DSG3: variants seen among roughly 807,000 people sequenced by gnomAD.
DSG3 encodes desmoglein-3.
In DSG3, 63 loss-of-function variants were observed where a neutral mutation model predicts 85.9. The observed-to-expected ratio is 0.73, with a 90% CI of 0.60 to 0.90. The LOEUF (loss-of-function observed/expected upper bound fraction) is 0.90, where lower values mean the gene tolerates loss of function less well. DSG3 is among the 40% of genes least tolerant of loss of function. DSG3 has a pLI of 0.00. For missense variants in DSG3, 1,220 were observed against 1,219.9 expected (o/e 1.00, Z 0.00); for synonymous variants, 447 against 441.9 (o/e 1.01, Z -0.14).
At position 31,464,463 on chromosome 18, in the gene DSG3, A is replaced by C. The variant is rs529321142; in HGVS notation, c.1271+81A>C. ...ATCACAACATAACACATAAACTATT[A>C]TGTGCCAAGAATAGAGATATGACAT... On this transcript the variant is annotated intron_variant, in intron 9 of 15. Coordinates refer to ENST00000257189, the MANE Select transcript of DSG3 (RefSeq NM_001944.3). The C allele has an allele frequency of 3.3e-5, 46 of 1,404,278 alleles. No individual in the cohort carries two copies. In the African/African-American group the frequency reaches 4.6e-4, roughly 14 times the overall value. The allele number at this position is 1,404,278 out of a possible 1,614,324, so 87.0% of individuals were successfully genotyped here.
intron 1 of DSG3, among the ~76,000 whole-genome samples, chr18:31,455,328 T>G (rs1025313288): frequency 7.9e-5 from 12 of 152,170 alleles, no homozygotes; most frequent in African/African-American, 2.4e-4. Context: ...TTTCCACCAT[T>G]ATTTTCCGAC....
At position 31,459,882 on chromosome 18, in the gene DSG3, T is replaced by C. The variant is rs549349717; in HGVS notation, c.555T>C (p.Asp185=). The change falls in exon 6 of 16, where the codon GAT becomes GAC. Residue 185 remains aspartate (D), a synonymous_variant. Coordinates refer to ENST00000257189, the MANE Select transcript of DSG3 (RefSeq NM_001944.3). ...TGATACTAAATGCCACAGATGCAGATGAACCAAACCACTTGAATTCTAAAA... is the reference window on the plus strand; with the variant it reads ...TGATACTAAATGCCACAGATGCAGACGAACCAAACCACTTGAATTCTAAAA... The part of the protein sequence containing the change: ...LVMILNATDA[D]EPNHLNSKIA... The C allele has an allele frequency of 1.2e-6, 2 of 1,614,150 alleles. No individual in the cohort carries two copies. Among genetic ancestry groups the C allele is most frequent in the African/African-American group, 1.3e-5 (1 of 75,050 alleles).
At position 31,478,092 on chromosome 18, in the gene DSG3, G is replaced by A. The variant is rs879081134; in HGVS notation, c.*1832G>A. On this transcript the variant is annotated 3_prime_UTR_variant, in exon 16 of 16. Coordinates refer to ENST00000257189, the MANE Select transcript of DSG3 (RefSeq NM_001944.3). Reference sequence around the variant, plus strand: ...GCAGCTGGAGAAGTGCAGGCAGCCTGTGCTTCCACAGATGGGGGTGCTGCT... The same window carrying A: ...GCAGCTGGAGAAGTGCAGGCAGCCTATGCTTCCACAGATGGGGGTGCTGCT... 2 of 152,198 alleles carry A rather than the reference G, an allele frequency of 1.3e-5. No homozygotes were observed. Among genetic ancestry groups the A allele is most frequent in the Admixed American group, 1.3e-4 (2 of 15,260 alleles). The allele number at this position is 152,198 out of a possible 1,614,324, so 9.4% of individuals were successfully genotyped here. A position where few individuals can be genotyped will look rare whatever the true frequency, so the allele number is the denominator to read the frequency against.
At chr18:31,447,955 A>G in intron 1 of DSG3, 30 bp downstream of exon 1, 2 of 1,517,960 alleles carry the variant, frequency 1.3e-6, no homozygotes, top group Non-Finnish European at 8.9e-7. Context: ...AATAATCACA[A>G]ACTTCCCTGC....
At chr18:31,468,320 A>T (rs1047938621) in intron 11 of DSG3, among the ~76,000 whole-genome samples, 4 of 152,180 alleles carry the variant, frequency 2.6e-5, no homozygotes, top group Non-Finnish European at 4.4e-5. Flanking sequence ...AGTAAAACAC[A>T]AGAACACAAA....
Position 31,460,841 on chromosome 18 carries a change from C to T in DSG3, c.693C>T (p.Ser231=). ...TTTTTATCCAAAATTAGCAAGCTAG[C>T]AGCTATCGTCTGGTTGTGAGTGGTG... is the stretch of plus-strand genomic sequence containing the variant. ...LTNSLDREQA[S]SYRLVVSGAD... is the part of the protein sequence containing the mutation. Residue 231 remains serine (S), a synonymous_variant, in exon 7 of 16, where the codon AGC becomes AGT. Coordinates refer to ENST00000257189, the MANE Select transcript of DSG3 (RefSeq NM_001944.3). 1.9e-6 allele frequency: 3 copies of T among 1,575,720 alleles called. No homozygotes were observed. Among genetic ancestry groups the T allele is most frequent in the Non-Finnish European group, 2.6e-6 (3 of 1,168,432 alleles).
chr18:31,453,674 A>G (rs920549745), intron 1 of DSG3, among the ~76,000 whole-genome samples: 3 of 152,138 alleles, frequency 2.0e-5, no homozygotes, highest in Admixed American at 6.5e-5. Context: ...CAATGCTTTA[A>G]AAATCATATA....
chr18:31,459,201 ACTTT>A (rs760143571), intron 5 of DSG3, 24 bp downstream of exon 5: 1 of 1,590,874 alleles, frequency 6.3e-7, no homozygotes, highest in Non-Finnish European at 8.5e-7. Flanking sequence ...AGTACTTACC[ACTTT>A]CAGTTTATCT....
chr18:31,461,821 C>G (rs1006348852), intron 8 of DSG3, among the ~76,000 whole-genome samples: 1 of 152,182 alleles, frequency 6.6e-6, no homozygotes, highest in Non-Finnish European at 1.5e-5. Context: ...ATTCGTCAAT[C>G]GGTTTTAAAT....
At position 31,466,538 on chromosome 18, in the gene DSG3, G is replaced by A. The variant is rs935936043; in HGVS notation, c.1420G>A (p.Gly474Ser). The A allele has an allele frequency of 6.2e-7, 1 of 1,613,934 alleles. No individual in the cohort carries two copies. The highest frequency in any genetic ancestry group is 8.5e-7 in the Non-Finnish European group (1 of 1,179,886). The part of the protein sequence containing the change: ...AEVLAIDEYT[G>S]KTSTGTVYVR... The stretch of plus-strand genomic sequence containing the variant: ...AAACATTGTTCTTACAGAATACACG[G>A]GTAAAACTTCTACAGGCACGGTATA... Residue 474 changes from glycine (G) to serine (S), a missense_variant, in exon 11 of 16, where the codon GGT becomes AGT. Transcript: ENST00000257189.
rs542436984 is a variant in DSG3, at chr18:31,457,201, C to T, written c.216+77C>T. On this transcript the variant is annotated intron_variant, in intron 3 of 15. Transcript: ENST00000257189. ...GTAAATTAAAATAATACGGCAATTC[C>T]AAATAACAAAATGAAGACTGGGGAG... 1.1e-5 allele frequency: 16 copies of T among 1,438,996 alleles called. No homozygotes were observed. The African/African-American group carries it at 1.5e-4, about 13-fold the overall frequency. The allele number at this position is 1,438,996 out of a possible 1,614,324, so 89.1% of individuals were successfully genotyped here.
intron 1 of DSG3, among the ~76,000 whole-genome samples, chr18:31,448,655 C>CAAAA (rs56245514): frequency 0.093 from 12,234 of 131,094 alleles, 1,340 homozygotes; most frequent in African/African-American, 0.27. Context: ...GTTCTTATAG[C>CAAAA]AAAAAAAAAA....
At chr18:31,466,066 A>C (rs986878305) in intron 10 of DSG3, among the ~76,000 whole-genome samples, 12 of 152,204 alleles carry the variant, frequency 7.9e-5, no homozygotes, top group Non-Finnish European at 1.5e-4. Context: ...TTTTTATTTC[A>C]TTATTTTTTA....
intron 11 of DSG3, among the ~76,000 whole-genome samples, chr18:31,467,273 G>A (rs540522061): frequency 1.3e-5 from 2 of 152,208 alleles, no homozygotes; most frequent in Admixed American, 6.5e-5. Context: ...CCCAGGAGGT[G>A]GAGGTTGCAG....
Position 31,466,517 on chromosome 18 carries a change from A to G in DSG3, c.1412-13A>G, listed in dbSNP as rs1291194246. On this transcript the variant is annotated splice_polypyrimidine_tract_variant and intron_variant, in intron 10 of 15. Coordinates refer to ENST00000257189, the MANE Select transcript of DSG3 (RefSeq NM_001944.3). ...CTATACATTTCTTTAACTCTAAAAC[A>G]TTGTTCTTACAGAATACACGGGTAA... 8 of 1,610,704 alleles carry G rather than the reference A, an allele frequency of 5.0e-6. No homozygotes were observed. The highest frequency in any genetic ancestry group is 6.8e-6 in the Non-Finnish European group (8 of 1,177,030).
chr18:31,453,235 A>T (rs1327223657), intron 1 of DSG3, among the ~76,000 whole-genome samples: 2 of 152,194 alleles, frequency 1.3e-5, no homozygotes, highest in African/African-American at 4.8e-5. Context: ...ATTTGGACTG[A>T]TTTATTTGAA....
chr18:31,472,528 C>T, intron 13 of DSG3, 105 bp downstream of exon 13: 1 of 1,399,332 alleles, frequency 7.1e-7, no homozygotes, highest in Non-Finnish European at 9.6e-7. Context: ...CCTTCAGTTT[C>T]AGAGTCAGTG....
intron 5 of DSG3, among the ~76,000 whole-genome samples, 169 bp from the exon 6 acceptor site, chr18:31,459,676 T>C (rs900445102): frequency 7.2e-5 from 11 of 152,322 alleles, no homozygotes; most frequent in African/African-American, 2.6e-4. Context: ...TTCTACCTGG[T>C]TGGGAGAGAC....
chr18:31,462,275 T>C (rs1230889098), intron 8 of DSG3, among the ~76,000 whole-genome samples: 1 of 152,198 alleles, frequency 6.6e-6, no homozygotes, highest in African/African-American at 2.4e-5. Flanking sequence ...TTTCACCATA[T>C]TGACCAGGCT....
Sources: gnomAD v4.1 joint callset for allele counts (sites outside exome capture counted in the v4.1 genomes callset) on GRCh38, gnomAD v4.1.1 for gene constraint, MANE v1.5 for transcripts, NCBI Gene and HGNC (gene_info 2026-07-23, HGNC 2026-07-21) for gene names.